The following FAAH2 variants were observed in gnomAD, a reference collection of about 807,000 sequenced individuals.
FAAH2 encodes the protein fatty-acid amide hydrolase 2.
FAAH2 carries 60 observed loss-of-function variants against 36.9 expected under a neutral mutation model. The observed-to-expected ratio is 1.63, with a 90% CI of 1.32 to 2.02. The LOEUF (loss-of-function observed/expected upper bound fraction) is 2.02. Ranked by LOEUF, FAAH2 falls within the 30% of genes most tolerant of loss-of-function variation. FAAH2 has a pLI of 0.00. For synonymous variants in FAAH2, 214 were observed against 143.8 expected (o/e 1.49, Z -3.49); for missense variants, 689 against 397.5 (o/e 1.73, Z -6.23).
At chrX:57,325,313 G>A (rs2053179650) in intron 3 of FAAH2, among the ~76,000 whole-genome samples, 1 of 111,089 alleles carries the variant, frequency 9.0e-6, no homozygotes, top group African/African-American at 3.3e-5. Context: ...TTTTGGTTGT[G>A]TCTCTGCCAG....
In FAAH2 at chrX:57,353,751, A is replaced by C. The variant is rs757691752; in HGVS notation, c.742+12361A>C. Reference sequence around the variant, plus strand: ...TCAGAATATATAACAAGCTCAACTCAACAATGATAAAACATTTCATTCACA... The same window carrying C: ...TCAGAATATATAACAAGCTCAACTCCACAATGATAAAACATTTCATTCACA... On this transcript the variant is annotated intron_variant, in intron 5 of 10. Coordinates refer to ENST00000374900, the MANE Select transcript of FAAH2 (RefSeq NM_174912.4). Among the ~76,000 whole-genome samples the C allele has an allele frequency of 1.3e-4, 14 of 110,437 alleles. No homozygotes were observed. In the East Asian group the frequency reaches 3.7e-3, roughly 29 times the overall value.
the FAAH2 span, among the ~76,000 whole-genome samples, chrX:57,209,779 C>T: frequency 2.7e-5 from 3 of 110,981 alleles, no homozygotes. Flanking sequence ...GTCCTTGTGG[C>T]CTAGACTGCC....
chrX:57,463,040 T>C (rs2056988333), intron 10 of FAAH2, among the ~76,000 whole-genome samples: 1 of 111,774 alleles, frequency 8.9e-6, no homozygotes, highest in South Asian at 3.7e-4. Context: ...CAAATCATGA[T>C]TGAACTCCTA....
chrX:57,381,901 C>A (rs916207379), intron 7 of FAAH2, among the ~76,000 whole-genome samples: 6 of 111,509 alleles, frequency 5.4e-5, no homozygotes, highest in Admixed American at 2.9e-4. Context: ...CACACCTATT[C>A]CAAAATTGAC....
At chrX:57,302,306 G>A (rs1012280397) in intron 2 of FAAH2, among the ~76,000 whole-genome samples, 1 of 111,805 alleles carries the variant, frequency 8.9e-6, no homozygotes, top group African/African-American at 3.2e-5. Flanking sequence ...AAAATAATAT[G>A]GACCCTCAAA....
intron 2 of FAAH2, among the ~76,000 whole-genome samples, chrX:57,296,942 A>G (rs1641457047): frequency 9.1e-6 from 1 of 109,781 alleles, no homozygotes; most frequent in Non-Finnish European, 1.9e-5. Flanking sequence ...TCCAAGAAAT[A>G]TGGGACTATG....
rs1469313464 is a variant in FAAH2, at chrX:57,448,525, A to T, written c.1230A>T (p.Gly410=). Residue 410 remains glycine, a splice_region_variant and synonymous_variant, in exon 10 of 11, where the codon GGA becomes GGT. Coordinates refer to ENST00000374900, the MANE Select transcript of FAAH2 (RefSeq NM_174912.4). ...TTGATATATGATATCATTCTGTAGG[A>T]CTGGCTTTGTTGGAAGAAAAGCTCA... ...GLSVYTIPSI[G]LALLEEKLRY... is the part of the protein sequence containing the mutation. 3 of 1,205,861 alleles carry T rather than the reference A, an allele frequency of 2.5e-6. No individual in the cohort carries two copies. Among genetic ancestry groups the T allele is most frequent in the Non-Finnish European group, 3.4e-6 (3 of 892,804 alleles).
intron 5 of FAAH2, among the ~76,000 whole-genome samples, chrX:57,363,770 T>C (rs907015673): frequency 9.0e-6 from 1 of 111,161 alleles, no homozygotes; most frequent in Non-Finnish European, 1.9e-5. Flanking sequence ...ATTTTTAACA[T>C]TGGAGGTATG....
the FAAH2 span, among the ~76,000 whole-genome samples, chrX:57,252,275 C>T: frequency 8.9e-5 from 10 of 112,849 alleles, no homozygotes; most frequent in East Asian, 8.4e-4. Context: ...CTCAGCAAGA[C>T]GTACTGCCTT....
chrX:57,243,201 A>G, the FAAH2 span, among the ~76,000 whole-genome samples: 1 of 111,994 alleles, frequency 8.9e-6, no homozygotes, highest in Non-Finnish European at 1.9e-5. Context: ...CTGCCTCTAG[A>G]TTCCTCCATT....
the FAAH2 span, among the ~76,000 whole-genome samples, chrX:57,157,472 T>G: frequency 9.0e-6 from 1 of 111,595 alleles, no homozygotes; most frequent in Non-Finnish European, 1.9e-5. Context: ...AGTAGAAGTC[T>G]GCCTGGTGTT....
At chrX:57,339,228 T>C (rs908576459) in intron 4 of FAAH2, among the ~76,000 whole-genome samples, 5 of 112,318 alleles carry the variant, frequency 4.5e-5, no homozygotes, top group Non-Finnish European at 9.4e-5. Flanking sequence ...AAGTTGAAAC[T>C]GGACCCTTTC....
chrX:57,359,705 G>A (rs1409364291), intron 5 of FAAH2, among the ~76,000 whole-genome samples: 1 of 111,518 alleles, frequency 9.0e-6, no homozygotes, highest in Non-Finnish European at 1.9e-5. Context: ...AGAATTAGAA[G>A]TGATTTATAA....
chrX:57,173,704 G>T, the FAAH2 span, among the ~76,000 whole-genome samples: 1 of 111,607 alleles, frequency 9.0e-6, no homozygotes, highest in Non-Finnish European at 1.9e-5. Flanking sequence ...TTGGCTGTGG[G>T]TTTGTCATAT....
chrX:57,186,834 G>A, the FAAH2 span, among the ~76,000 whole-genome samples: 1 of 111,759 alleles, frequency 8.9e-6, no homozygotes, highest in South Asian at 3.7e-4. Flanking sequence ...TTTCCCCATT[G>A]CTTGTTTTTG....
intron 5 of FAAH2, among the ~76,000 whole-genome samples, chrX:57,348,251 C>T (rs757833237): frequency 9.1e-6 from 1 of 110,330 alleles, no homozygotes; most frequent in African/African-American, 3.3e-5. Flanking sequence ...GCCTAAACAC[C>T]CTGCAACTAC....
chrX:57,332,310 A>T (rs2053430626), intron 4 of FAAH2, among the ~76,000 whole-genome samples: 1 of 112,390 alleles, frequency 8.9e-6, no homozygotes, highest in Non-Finnish European at 1.9e-5. Flanking sequence ...TCAGACTTGT[A>T]AGGTTACTGT....
chrX:57,182,691 G>A, the FAAH2 span, among the ~76,000 whole-genome samples: 2 of 110,343 alleles, frequency 1.8e-5, no homozygotes, highest in Admixed American at 9.7e-5. Flanking sequence ...TCCATTACTG[G>A]GTATATATAC....
At chrX:57,419,831 C>T (rs1384673668) in intron 7 of FAAH2, among the ~76,000 whole-genome samples, 1 of 111,804 alleles carries the variant, frequency 8.9e-6, no homozygotes, top group Non-Finnish European at 1.9e-5. Flanking sequence ...AGGTTTTCTT[C>T]TAGGGTTTTT....
Sources: allele counts gnomAD v4.1 joint callset (sites outside exome capture counted in the v4.1 genomes callset), GRCh38; gene constraint gnomAD v4.1.1; transcripts MANE v1.5; gene names NCBI Gene and HGNC (gene_info 2026-07-23, HGNC 2026-07-21).